Variants in FCHSD2 observed in about 807,000 individuals in gnomAD.
FCHSD2 encodes the protein FCH and double SH3 domains 2, also known as F-BAR and double SH3 domains protein 2.
In FCHSD2, 38 loss-of-function variants were observed where a neutral mutation model predicts 108.1. That is an observed-to-expected ratio of 0.35 (90% CI 0.27 to 0.46). The LOEUF is 0.46. FCHSD2 is among the 20% of genes least tolerant of loss of function. The pLI is 1.00. For missense variants in FCHSD2, 751 were observed against 897.8 expected, an observed-to-expected ratio of 0.84 and a Z score of 2.09; for synonymous variants, 279 against 314.7, an observed-to-expected ratio of 0.89 and a Z score of 1.20.
At chr11:72,920,149 TAGAC>T (rs1273273442) in intron 9 of FCHSD2, among the ~76,000 whole-genome samples, 1 of 151,870 alleles carries the variant, frequency 6.6e-6, no homozygotes, top group Non-Finnish European at 1.5e-5. Context: ...ATTAAGGAAA[TAGAC>T]ACAACACTGA....
intron 2 of FCHSD2, among the ~76,000 whole-genome samples, chr11:73,093,600 G>A (rs931689300): frequency 5.3e-5 from 8 of 151,834 alleles, no homozygotes; most frequent in Admixed American, 5.2e-4. Context: ...ATGGGGTATT[G>A]ATGATTTCTT....
intron 3 of FCHSD2, among the ~76,000 whole-genome samples, chr11:73,052,313 G>A (rs959378999): frequency 1.3e-5 from 2 of 152,136 alleles, no homozygotes; most frequent in African/African-American, 4.8e-5. Flanking sequence ...GTAATGACAA[G>A]AAAGTATTCT....
At chr11:72,846,347 A>C (rs559768272) in intron 14 of FCHSD2, among the ~76,000 whole-genome samples, 1 of 151,924 alleles carries the variant, frequency 6.6e-6, no homozygotes, top group East Asian at 1.9e-4. Flanking sequence ...TGCCTGGCTA[A>C]TTTTTTGTAT....
intron 8 of FCHSD2, among the ~76,000 whole-genome samples, chr11:72,969,552 T>C (rs111577880): frequency 3.0e-4 from 45 of 152,308 alleles, no homozygotes; most frequent in Middle Eastern, 3.4e-3. Flanking sequence ...AGTGGAACTT[T>C]AGGCAAAATT....
chr11:72,852,678 C>T (rs1317974021), intron 13 of FCHSD2, among the ~76,000 whole-genome samples: 1 of 151,296 alleles, frequency 6.6e-6, no homozygotes, highest in Non-Finnish European at 1.5e-5. Context: ...AAAAAAGACA[C>T]ATGCACACAT....
At chr11:73,044,021 T>C (rs1858700318) in intron 3 of FCHSD2, among the ~76,000 whole-genome samples, 2 of 152,220 alleles carry the variant, frequency 1.3e-5, no homozygotes, top group African/African-American at 2.4e-5. Context: ...GCCTCAGTGA[T>C]TTGGGAGTTG....
chr11:73,043,000 G>A (rs10437750), intron 3 of FCHSD2, among the ~76,000 whole-genome samples: 65,882 of 151,964 alleles, frequency 0.43, 15,131 homozygotes, highest in South Asian at 0.64. Flanking sequence ...CATCTGCAAA[G>A]AAGGACAATT....
chr11:73,066,719 C>T (rs891205917), intron 3 of FCHSD2, among the ~76,000 whole-genome samples: 22 of 151,926 alleles, frequency 1.4e-4, no homozygotes, highest in Admixed American at 3.3e-4. Context: ...ATGTAGCCAA[C>T]AGACATGAAA....
chr11:72,848,290 C>T (rs1360773890), intron 14 of FCHSD2, among the ~76,000 whole-genome samples: 1 of 152,192 alleles, frequency 6.6e-6, no homozygotes. Context: ...CCCACTCCTA[C>T]ACCACTGAAT....
intron 2 of FCHSD2, among the ~76,000 whole-genome samples, chr11:73,089,561 C>T (rs1859903830): frequency 6.6e-6 from 1 of 152,190 alleles, no homozygotes; most frequent in South Asian, 2.1e-4. Flanking sequence ...AATGTATAAA[C>T]AAGATGTGGT....
chr11:73,048,836 TCTA>T (rs1858826805), intron 3 of FCHSD2, among the ~76,000 whole-genome samples: 1 of 152,220 alleles, frequency 6.6e-6, no homozygotes, highest in Admixed American at 6.5e-5. Flanking sequence ...AATAATTCAA[TCTA>T]CCATAAACTC....
At chr11:73,012,328 G>A (rs1489511557) in intron 4 of FCHSD2, among the ~76,000 whole-genome samples, 2 of 152,060 alleles carry the variant, frequency 1.3e-5, no homozygotes, top group Non-Finnish European at 2.9e-5. Context: ...ACAAAACTAT[G>A]TATGCCCATG....
At chr11:72,992,419 T>C (rs574301584) in intron 5 of FCHSD2, among the ~76,000 whole-genome samples, 1 of 152,150 alleles carries the variant, frequency 6.6e-6, no homozygotes, top group African/African-American at 2.4e-5. Flanking sequence ...CTAAAGTTCA[T>C]ATGGAACCAA....
intron 3 of FCHSD2, among the ~76,000 whole-genome samples, chr11:73,071,681 C>T (rs1392904825): frequency 4.6e-5 from 7 of 151,902 alleles, no homozygotes; most frequent in Non-Finnish European, 8.8e-5. Context: ...AGCCTGGCGA[C>T]AGAATGAGAC....
intron 3 of FCHSD2, among the ~76,000 whole-genome samples, chr11:73,051,876 C>A (rs896327912): frequency 1.7e-5 from 1 of 59,850 alleles, no homozygotes; most frequent in Non-Finnish European, 3.7e-5. Context: ...TAAACACACA[C>A]ACACACACAC....
intron 12 of FCHSD2, among the ~76,000 whole-genome samples, chr11:72,871,339 A>G (rs1268426176): frequency 6.6e-6 from 1 of 152,158 alleles, no homozygotes; most frequent in Non-Finnish European, 1.5e-5. Flanking sequence ...AACCCTATAT[A>G]TCAACTCTTG....
chr11:73,068,476 T>A (rs919545252), intron 3 of FCHSD2, among the ~76,000 whole-genome samples: 2 of 151,576 alleles, frequency 1.3e-5, no homozygotes, highest in Non-Finnish European at 2.9e-5. Flanking sequence ...GTAACAAACC[T>A]GCACATCTTG....
intron 2 of FCHSD2, among the ~76,000 whole-genome samples, chr11:73,096,586 T>A (rs12294037): frequency 0.8 from 121,006 of 151,940 alleles, 48,512 homozygotes; most frequent in African/African-American, 0.87. Context: ...AAAGAAAGCA[T>A]ATACCACTTC....
At chr11:73,141,495 G>A (rs1394680106) in intron 1 of FCHSD2, among the ~76,000 whole-genome samples, 2 of 152,208 alleles carry the variant, frequency 1.3e-5, no homozygotes, top group East Asian at 3.8e-4. Context: ...AATCACACAC[G>A]CACAAGGCTC....
Sources: gnomAD v4.1 joint callset for allele counts (sites outside exome capture counted in the v4.1 genomes callset) on GRCh38, gnomAD v4.1.1 for gene constraint, MANE v1.5 for transcripts, NCBI Gene and HGNC (gene_info 2026-07-23, HGNC 2026-07-21) for gene names.